The following GLRA3 variants were observed in gnomAD, a reference collection of about 807,000 sequenced individuals.
GLRA3 encodes the protein glycine receptor alpha 3, also known as glycine receptor subunit alpha-3.
In GLRA3, 44 loss-of-function variants were observed where a neutral mutation model predicts 60.4. The observed-to-expected ratio is 0.73, with a 90% confidence interval of 0.57 to 0.94. The LOEUF (loss-of-function observed/expected upper bound fraction) is 0.94, where lower values mean the gene tolerates loss of function less well. GLRA3 is among the 40% of genes least tolerant of loss of function. The pLI, the probability that GLRA3 is intolerant of heterozygous loss-of-function variation, is 0.00. For missense variants in GLRA3, 508 were observed against 564.6 expected (o/e 0.90, Z 1.02); for synonymous variants, 223 against 192.9 (o/e 1.16, Z -1.29).
At chr4:174,815,854 C>A (rs1740476851) in intron 1 of GLRA3, among the ~76,000 whole-genome samples, 1 of 152,168 alleles carries the variant, frequency 6.6e-6, no homozygotes. Flanking sequence ...GACATTTTCC[C>A]CATTATCTTG....
chr4:174,798,032 A>G (rs533319899), intron 1 of GLRA3, among the ~76,000 whole-genome samples: 16 of 152,362 alleles, frequency 1.1e-4, no homozygotes, highest in Non-Finnish European at 1.6e-4. Context: ...ATAATTGCCA[A>G]TAAGTATCTC....
At chr4:174,798,810 G>T (rs1739683496) in intron 1 of GLRA3, among the ~76,000 whole-genome samples, 2 of 152,232 alleles carry the variant, frequency 1.3e-5, no homozygotes, top group South Asian at 4.2e-4. Context: ...TGTAGTCCCA[G>T]CTACTCGGGA....
rs1732563928 is a variant in GLRA3, at chr4:174,638,966, C to T, written c.*4820G>A. On this transcript the variant is annotated 3_prime_UTR_variant, in exon 10 of 10. Coordinates refer to ENST00000274093, the MANE Select transcript of GLRA3 (RefSeq NM_006529.4). ...AAAATCACTTTTTAAAAATAATACT[C>T]CATCACCTTAAATGTCTCCTCTTTG... 6.6e-6 allele frequency: 1 copy of T among 152,134 alleles called. No homozygotes were observed. Among genetic ancestry groups the T allele is most frequent in the Non-Finnish European group, 1.5e-5 (1 of 68,022 alleles). 9.4% of individuals were successfully genotyped at this position (152,134 alleles called of 1,614,324 possible).
Position 174,638,693 on chromosome 4 carries a change from A to T in GLRA3, c.*5093T>A, listed in dbSNP as rs1392136994. On this transcript the variant is annotated 3_prime_UTR_variant, in exon 10 of 10. Transcript: ENST00000274093. ...CTTAAAAAGTGTTAAATTGATCCTT[A>T]TTAAGAGAATAAGCTTGTGTAAGTT... is the stretch of plus-strand genomic sequence containing the variant. The T allele has an allele frequency of 6.6e-6, 1 of 152,232 alleles. No homozygotes were observed. Among genetic ancestry groups the T allele is most frequent in the Non-Finnish European group, 1.5e-5 (1 of 68,032 alleles). 9.4% of individuals were successfully genotyped at this position (152,232 alleles called of 1,614,324 possible). A position where few individuals can be genotyped will look rare whatever the true frequency, so the allele number is the denominator to read the frequency against.
chr4:174,819,903 GCTTTCT>G (rs1289565251), intron 1 of GLRA3, among the ~76,000 whole-genome samples: 73 of 152,050 alleles, frequency 4.8e-4, no homozygotes, highest in African/African-American at 1.7e-3. Context: ...ATTTAGTTAT[GCTTTCT>G]CTTTTCAGTG....
chr4:174,673,570 C>A (rs189177345), intron 7 of GLRA3, among the ~76,000 whole-genome samples: 2 of 151,994 alleles, frequency 1.3e-5, no homozygotes, highest in South Asian at 4.1e-4. Flanking sequence ...GGGATAGCCC[C>A]GGGAGGGGAA....
At position 174,659,073 on chromosome 4, in the gene GLRA3, C is replaced by A. The variant is rs546808702; in HGVS notation, c.1052G>T (p.Arg351Leu). The A allele has an allele frequency of 3.5e-5, 56 of 1,612,684 alleles. No individual in the cohort carries two copies. Among genetic ancestry groups the A allele is most frequent in the Non-Finnish European group, 4.7e-5 (56 of 1,179,244 alleles). The change falls in exon 8 of 10, where the codon CGA becomes CTA. Residue 351 changes from arginine (R) to leucine (L), a missense_variant. Physicochemically the swap from Arg to Leu is moderately radical, Grantham distance 102 (BLOSUM62 -2). This residue lies in a region of GLRA3 where 176 missense variants were observed against 197.9 expected (regional missense o/e 0.89). Transcript: ENST00000274093. ...ACTTACCTTATTCTTTCTCTTTCGTCGAAATCTCAGAAGTTCTTTGTGTTG... is the reference window on the plus strand; with the variant it reads ...ACTTACCTTATTCTTTCTCTTTCGTAGAAATCTCAGAAGTTCTTTGTGTTG... ...SRQHKELLRF[R>L]RKRKNKTEAF... is the part of the protein sequence containing the mutation.
chr4:174,661,630 C>T (rs1243512862), intron 7 of GLRA3, among the ~76,000 whole-genome samples: 1 of 152,128 alleles, frequency 6.6e-6, no homozygotes. Context: ...GTCCCATCCC[C>T]CAATGGCCCC....
Position 174,760,388 on chromosome 4 carries a change from C to T in GLRA3, c.267+6575G>A, listed in dbSNP as rs375873403. On this transcript the variant is annotated intron_variant, in intron 3 of 9. Transcript: ENST00000274093. ...ATAGGTGCTTCAAACAGAATGACCA[C>T]ATTGGAGAGCAATTTAGTAATTTGA... is the stretch of plus-strand genomic sequence containing the variant. 9.2e-5 allele frequency among the ~76,000 whole-genome samples: 14 copies of T among 152,252 alleles called. 1 individual carries two copies. The highest frequency in any genetic ancestry group is 3.1e-4 in the African/African-American group (13 of 41,546).
chr4:174,792,169 C>T (rs1739373291), intron 1 of GLRA3, among the ~76,000 whole-genome samples: 1 of 152,134 alleles, frequency 6.6e-6, no homozygotes, highest in African/African-American at 2.4e-5. Context: ...GCACACAACC[C>T]TGGGTGTACT....
intron 7 of GLRA3, among the ~76,000 whole-genome samples, chr4:174,675,562 C>T (rs960185624): frequency 3.3e-5 from 5 of 152,030 alleles, no homozygotes; most frequent in South Asian, 4.1e-4. Flanking sequence ...AGTAAACTGA[C>T]GATTTCCTTT....
chr4:174,759,477 G>C (rs1385895923), intron 3 of GLRA3, among the ~76,000 whole-genome samples: 1 of 151,978 alleles, frequency 6.6e-6, no homozygotes, highest in Non-Finnish European at 1.5e-5. Context: ...CGTATTCATG[G>C]ACAGAAAGAC....
In GLRA3 at chr4:174,643,515, A is replaced by G; in HGVS notation, c.*271T>C. 1 of 1,100,436 alleles carries G rather than the reference A, an allele frequency of 9.1e-7. No individual in the cohort carries two copies. Among genetic ancestry groups the G allele is most frequent in the Non-Finnish European group, 1.1e-6 (1 of 899,394 alleles). The allele number at this position is 1,100,436 out of a possible 1,614,324, so 68.2% of individuals were successfully genotyped here. On this transcript the variant is annotated 3_prime_UTR_variant, in exon 10 of 10. Coordinates refer to ENST00000274093, the MANE Select transcript of GLRA3 (RefSeq NM_006529.4). ...TATAACATATAAACACATTGGCAGT[A>G]AAGCTTCCACTTACATGGTTTACTG...
Position 174,640,099 on chromosome 4 carries a change from T to A in GLRA3, c.*3687A>T, listed in dbSNP as rs1474086909. ...GAAAAATATAGGTCGTATATGCTGA[T>A]AAATTTTGGGAGTTTATGCTATTAT... On this transcript the variant is annotated 3_prime_UTR_variant, in exon 10 of 10. Transcript: ENST00000274093. The A allele has an allele frequency of 6.6e-6, 1 of 152,148 alleles. No individual in the cohort carries two copies. Among genetic ancestry groups the A allele is most frequent in the African/African-American group, 2.4e-5 (1 of 41,450 alleles). The allele number at this position is 152,148 out of a possible 1,614,324, so 9.4% of individuals were successfully genotyped here.
intron 1 of GLRA3, among the ~76,000 whole-genome samples, chr4:174,798,383 A>G (rs1490391806): frequency 1.3e-5 from 2 of 152,236 alleles, no homozygotes; most frequent in Admixed American, 1.3e-4. Context: ...TTCTAGCCAC[A>G]GTTTGAAAAA....
Position 174,638,467 on chromosome 4 carries a change from G to C in GLRA3, c.*5319C>G, listed in dbSNP as rs530953698. On this transcript the variant is annotated 3_prime_UTR_variant, in exon 10 of 10. Transcript: ENST00000274093. ...CTGCCATCATGCCTGGCTAATTTTT[G>C]TATTTTTAGTAGAGACAGGGTTTTA... The C allele has an allele frequency of 1.9e-4, 29 of 152,142 alleles. No homozygotes were observed. Among genetic ancestry groups the C allele is most frequent in the African/African-American group, 6.5e-4 (27 of 41,502 alleles). The allele number at this position is 152,142 out of a possible 1,614,324, so 9.4% of individuals were successfully genotyped here.
At chr4:174,795,016 TAGAA>T (rs1214559902) in intron 1 of GLRA3, among the ~76,000 whole-genome samples, 1 of 150,996 alleles carries the variant, frequency 6.6e-6, no homozygotes, top group Non-Finnish European at 1.5e-5. Context: ...AGAAAAAAGT[TAGAA>T]ATAAATAAAT....
intron 1 of GLRA3, among the ~76,000 whole-genome samples, chr4:174,803,794 G>A (rs919586581): frequency 6.6e-6 from 1 of 152,054 alleles, no homozygotes; most frequent in African/African-American, 2.4e-5. Flanking sequence ...CTCAAATGTA[G>A]AAAAAACAGA....
intron 5 of GLRA3, among the ~76,000 whole-genome samples, chr4:174,710,332 A>AT (rs1735672077): frequency 6.6e-6 from 1 of 152,082 alleles, no homozygotes; most frequent in African/African-American, 2.4e-5. Flanking sequence ...TTGAACAAAA[A>AT]TTTTCACAAA....
Sources: allele counts gnomAD v4.1 joint callset (sites outside exome capture counted in the v4.1 genomes callset), GRCh38; gene constraint gnomAD v4.1.1; regional missense constraint gnomAD v4.1.1; transcripts MANE v1.5; gene names NCBI Gene and HGNC (gene_info 2026-07-23, HGNC 2026-07-21).